SRPK2: variants seen among roughly 807,000 people sequenced by gnomAD.
SRPK2 encodes SRSF protein kinase 2.
In SRPK2, 21 loss-of-function variants were observed where a neutral mutation model predicts 90.8. The ratio of observed to expected loss-of-function variants is 0.23; its 90% CI spans 0.16 to 0.33. The LOEUF is 0.33. SRPK2 is among the 10% of genes least tolerant of loss of function. The pLI is 1.00. For missense variants in SRPK2, 620 were observed against 869.0 expected, an observed-to-expected ratio of 0.71 and a Z score of 3.60; for synonymous variants, 288 against 311.1, an observed-to-expected ratio of 0.93 and a Z score of 0.78.
chr7:105,287,992 A>G (rs1458582230), intron 2 of SRPK2, among the ~76,000 whole-genome samples: 1 of 152,216 alleles, frequency 6.6e-6, no homozygotes, highest in East Asian at 1.9e-4. Context: ...CACCATTATA[A>G]ATAGCCTCCA....
At chr7:105,332,490 G>A (rs901487206) in intron 2 of SRPK2, among the ~76,000 whole-genome samples, 5 of 152,042 alleles carry the variant, frequency 3.3e-5, no homozygotes, top group African/African-American at 4.8e-5. Flanking sequence ...TAGGCCAGGC[G>A]CAGTGTCTCA....
chr7:105,383,650 C>T (rs12112114), intron 2 of SRPK2, among the ~76,000 whole-genome samples: 5,049 of 151,992 alleles, frequency 0.033, 308 homozygotes, highest in African/African-American at 0.11. Context: ...GAACTATTGA[C>T]CTCGTGATCC....
At chr7:105,196,715 A>G (rs914303281) in intron 3 of SRPK2, among the ~76,000 whole-genome samples, 4 of 152,206 alleles carry the variant, frequency 2.6e-5, no homozygotes, top group Non-Finnish European at 5.9e-5. Context: ...ACAAATATCA[A>G]TTCTAAAGCA....
intron 14 of SRPK2, among the ~76,000 whole-genome samples, 159 bp from the exon 15 acceptor site, chr7:105,126,499 C>G (rs1801233356): frequency 6.6e-6 from 1 of 152,170 alleles, no homozygotes; most frequent in Admixed American, 6.5e-5. Context: ...GAATGGCAGG[C>G]CTCAGGCACC....
At chr7:105,396,219 G>A (rs1822318064) in intron 1 of SRPK2, among the ~76,000 whole-genome samples, 2 of 152,044 alleles carry the variant, frequency 1.3e-5, no homozygotes, top group African/African-American at 2.4e-5. Flanking sequence ...CCGGCTAGTA[G>A]CTTTTAGAAA....
intron 1 of SRPK2, among the ~76,000 whole-genome samples, chr7:105,396,798 AAGAG>A (rs749857062): frequency 4.0e-5 from 4 of 98,870 alleles, no homozygotes; most frequent in Non-Finnish European, 7.2e-5. Context: ...AAGAAAGAGA[AAGAG>A]AAAGAAAGAA....
intron 3 of SRPK2, among the ~76,000 whole-genome samples, chr7:105,178,637 A>G (rs1792319591): frequency 6.6e-6 from 1 of 152,002 alleles, no homozygotes; most frequent in Admixed American, 6.6e-5. Context: ...TGGGCAAAAG[A>G]GTGAGAGTCC....
At position 105,117,900 on chromosome 7, in the gene SRPK2, T is replaced by A. The variant is rs775373858; in HGVS notation, c.2038A>T (p.Met680Leu). The stretch of plus-strand genomic sequence containing the variant: ...GCTGAGGCTCGTTTTTCTGGAACCA[T>A]TTCTAACATCGGGATCAGGAAATCT... ...FTDFLIPMLE[M>L]VPEKRASAGE... Residue 680 changes from methionine to leucine, a missense_variant, in exon 16 of 16, where the codon ATG (methionine) becomes TTG (leucine). Transcript: ENST00000393651. 4.3e-6 allele frequency: 7 copies of A among 1,613,966 alleles called. No individual in the cohort carries two copies. Among genetic ancestry groups the A allele is most frequent in the Non-Finnish European group, 5.9e-6 (7 of 1,180,030 alleles).
chr7:105,251,885 G>A (rs1024873857), intron 2 of SRPK2, among the ~76,000 whole-genome samples: 4 of 152,264 alleles, frequency 2.6e-5, no homozygotes, highest in Admixed American at 2.0e-4. Context: ...ATTCAGTGTC[G>A]TGGCTTGAGG....
chr7:105,384,923 C>A (rs1350355123), intron 2 of SRPK2, among the ~76,000 whole-genome samples: 1 of 151,704 alleles, frequency 6.6e-6, no homozygotes, highest in Non-Finnish European at 1.5e-5. Flanking sequence ...GTCGCCCAGG[C>A]TGGAGTGCAG....
chr7:105,187,626 C>T (rs1680631802), intron 3 of SRPK2, among the ~76,000 whole-genome samples: 1 of 151,962 alleles, frequency 6.6e-6, no homozygotes, highest in African/African-American at 2.4e-5. Context: ...TTTTTTATAC[C>T]TCAGACCATA....
In SRPK2 at chr7:105,244,745, C is replaced by A. The variant is rs1585329461; in HGVS notation, c.72-40960G>T. The A allele has an allele frequency of 3.7e-6, 4 of 1,081,410 alleles. No individual in the cohort carries two copies. The African/African-American group carries it at 4.6e-5, about 13-fold the overall frequency. 67.0% of individuals were successfully genotyped at this position (1,081,410 alleles called of 1,614,324 possible). On this transcript the variant is annotated intron_variant, in intron 2 of 15. Coordinates refer to ENST00000393651, the MANE Select transcript of SRPK2 (RefSeq NM_182692.3). ...GCCCAGGCACAGCCGCCGCCGCGGG[C>A]GTCTGACCAAACACACCAAGTTTGT...
intron 2 of SRPK2, among the ~76,000 whole-genome samples, chr7:105,323,531 G>A (rs1009322202): frequency 2.0e-5 from 3 of 152,274 alleles, no homozygotes; most frequent in African/African-American, 7.2e-5. Context: ...ACTTTTGCAA[G>A]GGCTGACTCT....
At chr7:105,165,814 C>A (rs2129584969) in intron 6 of SRPK2, among the ~76,000 whole-genome samples, 1 of 152,336 alleles carries the variant, frequency 6.6e-6, no homozygotes, top group African/African-American at 2.4e-5. Context: ...TTTGTTCTTT[C>A]ACTCTTCAAA....
At chr7:105,286,505 G>C (rs1426652697) in intron 2 of SRPK2, among the ~76,000 whole-genome samples, 1 of 151,904 alleles carries the variant, frequency 6.6e-6, no homozygotes, top group Non-Finnish European at 1.5e-5. Flanking sequence ...GGGTAATTTG[G>C]GCATTCTAAG....
At chr7:105,374,141 G>T (rs999094527) in intron 2 of SRPK2, among the ~76,000 whole-genome samples, 2 of 151,860 alleles carry the variant, frequency 1.3e-5, no homozygotes, top group African/African-American at 2.4e-5. Context: ...TGGCCAGGCT[G>T]GTCTCAAACT....
intron 2 of SRPK2, among the ~76,000 whole-genome samples, chr7:105,292,353 C>G (rs558855861): frequency 6.6e-6 from 1 of 152,046 alleles, no homozygotes; most frequent in African/African-American, 2.4e-5. Flanking sequence ...ACAAAATATA[C>G]AAAAATTATC....
rs557958932 is a variant in SRPK2 at position 105,167,853 on chromosome 7, T to C, written c.426+155A>G. Among the ~76,000 whole-genome samples the C allele has an allele frequency of 1.6e-4, 24 of 152,290 alleles. No individual in the cohort carries two copies. The South Asian group carries it at 5.0e-3, about 32-fold the overall frequency. ...CTCGAACTCTTGACCTCAAGTGATCTGCTCGCTTTGGCCTCCCAAAGTGCT... is the reference window on the plus strand; with the variant it reads ...CTCGAACTCTTGACCTCAAGTGATCCGCTCGCTTTGGCCTCCCAAAGTGCT... On this transcript the variant is annotated intron_variant, in intron 5 of 15. Coordinates refer to ENST00000393651, the MANE Select transcript of SRPK2 (RefSeq NM_182692.3).
At chr7:105,385,105 C>G (rs1376885756) in intron 2 of SRPK2, among the ~76,000 whole-genome samples, 1 of 150,472 alleles carries the variant, frequency 6.6e-6, no homozygotes, top group African/African-American at 2.4e-5. Context: ...ATCTCCTGAC[C>G]TCGTGATCCG....
Sources: allele counts gnomAD v4.1 joint callset (sites outside exome capture counted in the v4.1 genomes callset), GRCh38; gene constraint gnomAD v4.1.1; transcripts MANE v1.5; gene names NCBI Gene and HGNC (gene_info 2026-07-23, HGNC 2026-07-21).